Variants in EYS observed in about 807,000 individuals in gnomAD.
EYS encodes EGF-like photoreceptor maintenance factor.
Under a neutral mutation model 282.1 loss-of-function variants are expected in EYS, and 250 were observed. The ratio of observed to expected loss-of-function variants is 0.89; its 90% CI spans 0.80 to 0.98. The LOEUF is 0.98. Ranked by LOEUF, EYS falls within the 50% of genes least tolerant of loss-of-function variation. The probability of loss-of-function intolerance (pLI) is 0.00; values close to 1 mark genes in which losing one functional copy is unlikely to be tolerated. For synonymous variants in EYS, 1,355 were observed against 1,282.9 expected (o/e 1.06, Z -1.20); for missense variants, 4,016 against 3,709.0 (o/e 1.08, Z -2.15).
At chr6:64,777,093 C>G (rs2149990598) in intron 22 of EYS, among the ~76,000 whole-genome samples, 1 of 152,264 alleles carries the variant, frequency 6.6e-6, no homozygotes, top group South Asian at 2.1e-4. Flanking sequence ...CTTATGATAA[C>G]TAACTCACTA....
chr6:65,029,712 A>G (rs189855538), intron 13 of EYS, among the ~76,000 whole-genome samples: 1 of 152,284 alleles, frequency 6.6e-6, no homozygotes, highest in East Asian at 1.9e-4. Context: ...CTAAATGCAG[A>G]TAGGAAGAGC....
intron 1 of EYS, among the ~76,000 whole-genome samples, chr6:65,699,254 T>C (rs559801461): frequency 8.5e-5 from 13 of 152,312 alleles, no homozygotes; most frequent in Non-Finnish European, 1.6e-4. Flanking sequence ...GTGCTTATAA[T>C]GAAGTTGAAG....
chr6:65,326,536 C>T (rs1167951446), intron 11 of EYS, among the ~76,000 whole-genome samples: 1 of 151,338 alleles, frequency 6.6e-6, no homozygotes, highest in East Asian at 1.9e-4. Flanking sequence ...TTTTCTCATA[C>T]TCCTATAGTT....
chr6:64,134,852 T>C (rs113873271), intron 31 of EYS, among the ~76,000 whole-genome samples: 3,509 of 152,178 alleles, frequency 0.023, 128 homozygotes, highest in African/African-American at 0.079. Context: ...AAATGTCTCT[T>C]ATTCATTTCA....
At chr6:65,681,195 T>A (rs955310187) in intron 1 of EYS, among the ~76,000 whole-genome samples, 2 of 151,482 alleles carry the variant, frequency 1.3e-5, no homozygotes, top group Non-Finnish European at 1.5e-5. Flanking sequence ...TGAGATTGCC[T>A]CCCATTGGCC....
intron 22 of EYS, among the ~76,000 whole-genome samples, chr6:64,803,433 A>G (rs998863988): frequency 6.6e-6 from 1 of 152,000 alleles, no homozygotes; most frequent in African/African-American, 2.4e-5. Context: ...CTGATTGGCC[A>G]TGGTTGGGTC....
chr6:64,740,034 G>T (rs1772318621), intron 22 of EYS, among the ~76,000 whole-genome samples: 1 of 152,082 alleles, frequency 6.6e-6, no homozygotes, highest in Admixed American at 6.5e-5. Flanking sequence ...CTGGTGGGGG[G>T]TGTATTTCTA....
intron 22 of EYS, among the ~76,000 whole-genome samples, chr6:64,761,696 C>T (rs1213291019): frequency 2.6e-5 from 4 of 152,048 alleles, no homozygotes; most frequent in Admixed American, 2.0e-4. Flanking sequence ...ACCTAGTGAT[C>T]GGCCCACCTC....
At chr6:63,880,522 T>TCTATCTATCTAC (rs879474462) in intron 35 of EYS, among the ~76,000 whole-genome samples, 4 of 151,918 alleles carry the variant, frequency 2.6e-5, no homozygotes, top group Non-Finnish European at 5.9e-5. Context: ...TATCTATCTA[T>TCTATCTATCTAC]CTATCTATTC....
intron 12 of EYS, among the ~76,000 whole-genome samples, chr6:65,175,760 T>C (rs1447353850): frequency 6.6e-6 from 1 of 151,440 alleles, no homozygotes. Context: ...AGTCAAAAGT[T>C]TTGTGTGATA....
intron 24 of EYS, among the ~76,000 whole-genome samples, chr6:64,608,334 G>T (rs1017234247): frequency 6.6e-6 from 1 of 152,028 alleles, no homozygotes; most frequent in Non-Finnish European, 1.5e-5. Context: ...AGGGAGAAGG[G>T]AATAGAGAAG....
intron 19 of EYS, among the ~76,000 whole-genome samples, chr6:64,841,038 C>A (rs929581742): frequency 1.3e-5 from 2 of 151,598 alleles, no homozygotes; most frequent in Admixed American, 1.3e-4. Flanking sequence ...CTGTACAAAG[C>A]TTTTTAAATA....
chr6:65,372,441 G>C (rs574304895), intron 8 of EYS, among the ~76,000 whole-genome samples: 1 of 152,054 alleles, frequency 6.6e-6, no homozygotes, highest in East Asian at 1.9e-4. Flanking sequence ...ATAATAAATA[G>C]TATTTAATTG....
chr6:63,961,268 C>G (rs987574385), intron 35 of EYS, among the ~76,000 whole-genome samples: 1 of 152,134 alleles, frequency 6.6e-6, no homozygotes, highest in African/African-American at 2.4e-5. Flanking sequence ...TGGCCTGAAG[C>G]AAGTGAAGAA....
intron 31 of EYS, among the ~76,000 whole-genome samples, chr6:64,125,498 C>T (rs139143819): frequency 6.1e-4 from 92 of 151,794 alleles, no homozygotes; most frequent in South Asian, 1.0e-3. Context: ...CGTCAACTGT[C>T]GGCCGGGCGC....
chr6:64,037,133 A>C (rs994427586), intron 33 of EYS, among the ~76,000 whole-genome samples: 4 of 152,236 alleles, frequency 2.6e-5, no homozygotes, highest in Admixed American at 2.0e-4. Flanking sequence ...TGTATTTTAT[A>C]ATGATTACAG....
intron 5 of EYS, among the ~76,000 whole-genome samples, chr6:65,454,501 T>A (rs1329425605): frequency 6.6e-6 from 1 of 152,040 alleles, no homozygotes; most frequent in Non-Finnish European, 1.5e-5. Flanking sequence ...AAATGCATGT[T>A]AGTTTGATGT....
chr6:64,140,002 T>C (rs1582328568), intron 31 of EYS, among the ~76,000 whole-genome samples: 1 of 150,556 alleles, frequency 6.6e-6, no homozygotes, highest in Non-Finnish European at 1.5e-5. Context: ...AATAAATAAA[T>C]AAATAAATAG....
At chr6:64,556,750 G>T (rs934686700) in intron 26 of EYS, among the ~76,000 whole-genome samples, 1 of 151,650 alleles carries the variant, frequency 6.6e-6, no homozygotes, top group South Asian at 2.1e-4. Flanking sequence ...TGAGGGAGAA[G>T]AAATATTTGA....
Sources: allele counts gnomAD v4.1 joint callset (sites outside exome capture counted in the v4.1 genomes callset), GRCh38; gene constraint gnomAD v4.1.1; transcripts MANE v1.5; gene names NCBI Gene and HGNC (gene_info 2026-07-23, HGNC 2026-07-21).